Variants in HTR1F observed in about 807,000 individuals in gnomAD.
HTR1F encodes 5-hydroxytryptamine (serotonin) receptor 1F, G protein-coupled.
A neutral mutation model predicts 24.0 loss-of-function variants in HTR1F; 17 were observed. The observed-to-expected ratio is 0.71, with a 90% CI of 0.48 to 1.06. The LOEUF is 1.06. Ranked by LOEUF, HTR1F falls within the 50% of genes least tolerant of loss-of-function variation. The pLI is 0.00. For missense variants in HTR1F, 391 were observed against 427.8 expected, an observed-to-expected ratio of 0.91 and a Z score of 0.76; for synonymous variants, 186 against 156.8, an observed-to-expected ratio of 1.19 and a Z score of -1.39.
intron 2 of HTR1F, among the ~76,000 whole-genome samples, chr3:87,931,210 C>G (rs1042411721): frequency 6.6e-6 from 1 of 152,020 alleles, no homozygotes; most frequent in South Asian, 2.1e-4. Context: ...CCCCCAACCC[C>G]ACAACAGTCC....
At chr3:87,961,322 A>C (rs1236376150) in intron 2 of HTR1F, among the ~76,000 whole-genome samples, 1 of 152,082 alleles carries the variant, frequency 6.6e-6, no homozygotes, top group African/African-American at 2.4e-5. Context: ...TTGTCATTGG[A>C]AGAGACCCCA....
chr3:87,855,499 A>C (rs941365277), intron 2 of HTR1F, among the ~76,000 whole-genome samples: 1 of 152,050 alleles, frequency 6.6e-6, no homozygotes, highest in African/African-American at 2.4e-5. Flanking sequence ...GCAAGTCTCA[A>C]TGGTAGACTC....
chr3:87,836,470 T>C (rs1190547279), intron 2 of HTR1F, among the ~76,000 whole-genome samples: 2 of 152,194 alleles, frequency 1.3e-5, no homozygotes, highest in Admixed American at 6.5e-5. Context: ...AATTTTAATA[T>C]CCATAAGTGG....
At position 87,795,597 on chromosome 3, in the gene HTR1F, C is replaced by G. The variant is rs115989457; in HGVS notation, c.-160+2755C>G. Among the ~76,000 whole-genome samples, 546 of 152,232 alleles carry G rather than the reference C, an allele frequency of 3.6e-3. 1 individual carries two copies. Among genetic ancestry groups the G allele is most frequent in the African/African-American group, 0.012 (512 of 41,538 alleles). Reference sequence around the variant, plus strand: ...AAAGCACTATTAATCTTTCAGTGGCCAGGTCCAGAAACCCCTAGGGAAACA... The same window carrying G: ...AAAGCACTATTAATCTTTCAGTGGCGAGGTCCAGAAACCCCTAGGGAAACA... On this transcript the variant is annotated intron_variant, in intron 1 of 2. Coordinates refer to ENST00000319595, the MANE Select transcript of HTR1F (RefSeq NM_001322209.2).
intron 2 of HTR1F, among the ~76,000 whole-genome samples, chr3:87,900,265 A>G (rs183164330): frequency 6.7e-4 from 102 of 152,324 alleles, no homozygotes; most frequent in African/African-American, 2.4e-3. Flanking sequence ...AGGGGGCAAT[A>G]GAAAGATATA....
chr3:87,931,770 G>A (rs751632166), intron 2 of HTR1F, among the ~76,000 whole-genome samples: 9 of 149,984 alleles, frequency 6.0e-5, no homozygotes, highest in Non-Finnish European at 1.0e-4. Context: ...TCTCATAGTG[G>A]TTTTGATTTG....
At chr3:87,932,701 G>T (rs909716638) in intron 2 of HTR1F, among the ~76,000 whole-genome samples, 33 of 151,782 alleles carry the variant, frequency 2.2e-4, no homozygotes, top group Non-Finnish European at 4.0e-4. Flanking sequence ...TGAAATTGTG[G>T]CAATAATCAA....
intron 2 of HTR1F, among the ~76,000 whole-genome samples, chr3:87,899,888 C>T (rs774639036): frequency 1.3e-5 from 2 of 152,026 alleles, no homozygotes; most frequent in Non-Finnish European, 2.9e-5. Flanking sequence ...ACAAAAATCG[C>T]AGTCTATCAT....
intron 2 of HTR1F, among the ~76,000 whole-genome samples, chr3:87,931,189 C>G (rs1322075514): frequency 6.6e-6 from 1 of 151,862 alleles, no homozygotes; most frequent in African/African-American, 2.4e-5. Flanking sequence ...CTAATGCTAT[C>G]ACTCCCCCCT....
intron 2 of HTR1F, among the ~76,000 whole-genome samples, chr3:87,892,769 A>T (rs893908507): frequency 6.6e-6 from 1 of 151,930 alleles, no homozygotes; most frequent in Non-Finnish European, 1.5e-5. Flanking sequence ...CTTTTTTTTT[A>T]ATCTATACTG....
intron 2 of HTR1F, among the ~76,000 whole-genome samples, chr3:87,928,333 C>G (rs1159948406): frequency 6.6e-6 from 1 of 152,144 alleles, no homozygotes; most frequent in African/African-American, 2.4e-5. Context: ...GCACGAGCCA[C>G]CACGCTAGGC....
chr3:87,873,095 TACACACACACAC>T (rs61407734), intron 2 of HTR1F, among the ~76,000 whole-genome samples: 6 of 135,024 alleles, frequency 4.4e-5, no homozygotes, highest in African/African-American at 5.3e-5. Context: ...CATGCATACA[TACACACACACAC>T]ACACACACAC....
At chr3:87,940,577 C>A (rs1207941374) in intron 2 of HTR1F, among the ~76,000 whole-genome samples, 3 of 152,126 alleles carry the variant, frequency 2.0e-5, no homozygotes, top group African/African-American at 7.2e-5. Flanking sequence ...GAATCAATGC[C>A]ATCCCCATCA....
chr3:87,911,494 A>G (rs1703777917), intron 2 of HTR1F, among the ~76,000 whole-genome samples: 2 of 152,098 alleles, frequency 1.3e-5, no homozygotes, highest in Admixed American at 6.6e-5. Context: ...AGGACTGGAC[A>G]GATTCACAGC....
At chr3:87,973,294 C>T (rs1241694673) in intron 2 of HTR1F, among the ~76,000 whole-genome samples, 3 of 152,200 alleles carry the variant, frequency 2.0e-5, no homozygotes, top group Non-Finnish European at 4.4e-5. Context: ...TTCCATTCAA[C>T]TTTTCAATCC....
At chr3:87,976,370 G>C (rs985363978) in intron 2 of HTR1F, among the ~76,000 whole-genome samples, 1 of 152,014 alleles carries the variant, frequency 6.6e-6, no homozygotes, top group East Asian at 1.9e-4. Context: ...AGCTTAGCTT[G>C]ATTAACTAAT....
chr3:87,936,214 T>A (rs932242109), intron 2 of HTR1F, among the ~76,000 whole-genome samples: 4 of 152,202 alleles, frequency 2.6e-5, no homozygotes, highest in African/African-American at 9.7e-5. Flanking sequence ...AATAATATAT[T>A]TATACTTTGA....
intron 2 of HTR1F, among the ~76,000 whole-genome samples, chr3:87,829,286 T>A (rs1704526016): frequency 6.6e-6 from 1 of 152,184 alleles, no homozygotes; most frequent in South Asian, 2.1e-4. Flanking sequence ...ACCAATTTCT[T>A]TAAAAAATCA....
At chr3:87,919,016 A>G (rs1703954573) in intron 2 of HTR1F, among the ~76,000 whole-genome samples, 1 of 152,176 alleles carries the variant, frequency 6.6e-6, no homozygotes, top group African/African-American at 2.4e-5. Context: ...TGGTACTGGT[A>G]TAAAAATAGG....
Sources: gnomAD v4.1 joint callset for allele counts (sites outside exome capture counted in the v4.1 genomes callset) on GRCh38, gnomAD v4.1.1 for gene constraint, MANE v1.5 for transcripts, NCBI Gene and HGNC (gene_info 2026-07-23, HGNC 2026-07-21) for gene names.